The following XPO1 variants were observed in gnomAD, a reference collection of about 807,000 sequenced individuals.
XPO1 encodes the protein exportin-1.
XPO1 carries 5 observed loss-of-function variants against 133.3 expected under a neutral mutation model. The observed-to-expected ratio is 0.04, with a 90% confidence interval of 0.02 to 0.08. XPO1 has a LOEUF of 0.08. XPO1 is among the 10% of genes least tolerant of loss of function. The probability of loss-of-function intolerance (pLI) is 1.00; values close to 1 mark genes in which losing one functional copy is unlikely to be tolerated. For synonymous variants in XPO1, 419 were observed against 408.2 expected (o/e 1.03, Z -0.32); for missense variants, 506 against 1,267.5 (o/e 0.40, Z 9.12).
intron 3 of XPO1, 60 bp from the exon 4 acceptor site, chr2:61,522,743 G>A (rs1698753620): frequency 8.0e-7 from 1 of 1,257,000 alleles, no homozygotes; most frequent in East Asian, 2.3e-5. Flanking sequence ...CAACTCTCAG[G>A]ATTCACAAAT....
intron 17 of XPO1, among the ~76,000 whole-genome samples, chr2:61,490,237 C>T (rs563299404): frequency 1.4e-5 from 2 of 142,894 alleles, no homozygotes; most frequent in Admixed American, 7.3e-5. Context: ...CTTGCTCTGT[C>T]GTCTCGGCTA....
intron 7 of XPO1, among the ~76,000 whole-genome samples, chr2:61,499,360 C>T (rs1365989289): frequency 3.9e-5 from 6 of 152,052 alleles, no homozygotes; most frequent in Non-Finnish European, 7.4e-5. Context: ...TTGTGGTGAG[C>T]CAAGATTGCG....
intron 4 of XPO1, among the ~76,000 whole-genome samples, chr2:61,508,263 T>C (rs954348859): frequency 3.9e-5 from 6 of 152,154 alleles, no homozygotes; most frequent in East Asian, 3.9e-4. Context: ...AATGCTCTAA[T>C]TGTTTCTTGG....
chr2:61,498,763 A>G lies in XPO1; in HGVS notation c.669T>C (p.His223=). The G allele has an allele frequency of 6.2e-7, 1 of 1,614,094 alleles. No individual in the cohort carries two copies. The highest frequency in any genetic ancestry group is 8.5e-7 in the Non-Finnish European group (1 of 1,179,990). Residue 223 remains histidine (H), a synonymous_variant, in exon 9 of 25, where the codon CAT becomes CAC. Coordinates refer to ENST00000401558, the MANE Select transcript of XPO1 (RefSeq NM_003400.4). ...MENSQNAPLV[H]ATLETLLRFL... The stretch of plus-strand genomic sequence containing the variant: ...ATCTGAGCAATGTTTCCAAGGTTGC[A>G]TGTACAAGTGGAGCATTTTGAGAAT...
intron 12 of XPO1, 104 bp from the exon 13 acceptor site, chr2:61,493,157 C>T: frequency 8.2e-7 from 1 of 1,224,728 alleles, no homozygotes; most frequent in Non-Finnish European, 1.1e-6. Flanking sequence ...AACCACAAGC[C>T]AGCCATGTGT....
chr2:61,526,147 A>G, intron 3 of XPO1: 1 of 1,220,698 alleles, frequency 8.2e-7, no homozygotes, highest in South Asian at 2.2e-5. Flanking sequence ...AATTTATGCT[A>G]CTTAGACCTG....
chr2:61,532,903 C>G (rs908454891), intron 2 of XPO1, among the ~76,000 whole-genome samples: 1 of 151,900 alleles, frequency 6.6e-6, no homozygotes, highest in African/African-American at 2.4e-5. Flanking sequence ...TGGGCCAGCA[C>G]GCGGTGGCTC....
At chr2:61,516,305 C>T (rs1227357299) in intron 4 of XPO1, among the ~76,000 whole-genome samples, 3 of 149,432 alleles carry the variant, frequency 2.0e-5, no homozygotes, top group Non-Finnish European at 3.0e-5. Context: ...AACTCCGCCT[C>T]GAAAAAACCA....
intron 4 of XPO1, among the ~76,000 whole-genome samples, chr2:61,515,644 C>A (rs1259461369): frequency 6.6e-6 from 1 of 152,106 alleles, no homozygotes; most frequent in African/African-American, 2.4e-5. Context: ...AATAATGTAG[C>A]CAGTATTACG....
At chr2:61,506,603 A>C (rs949540873) in intron 4 of XPO1, among the ~76,000 whole-genome samples, 6 of 151,548 alleles carry the variant, frequency 4.0e-5, no homozygotes, top group Admixed American at 1.3e-4. Flanking sequence ...CGTCTCAAAA[A>C]AAAAAAAAAA....
chr2:61,481,783 C>T lies in XPO1; in HGVS notation c.2973-502G>A, dbSNP rs182945108. Among the ~76,000 whole-genome samples the T allele has an allele frequency of 2.2e-3, 330 of 151,936 alleles. 3 individuals carry two copies. The highest frequency in any genetic ancestry group is 7.5e-3 in the African/African-American group (312 of 41,462). ...AGACAGTCTTGCTCTGTCACCCACA[C>T]TGGAGTGCAGTGGCACAATCTCGGC... On this transcript the variant is annotated intron_variant, in intron 23 of 24. Transcript: ENST00000401558.
chr2:61,518,465 A>AC lies in XPO1; in HGVS notation c.301+4145_301+4146insG, dbSNP rs1698520099. Among the ~76,000 whole-genome samples the AC allele has an allele frequency of 1.0e-4, 13 of 124,760 alleles. 1 individual carries two copies. In the South Asian group the frequency reaches 2.8e-3, roughly 27 times the overall value. 81.8% of individuals were successfully genotyped at this position (124,760 alleles called of 152,430 possible). ...ACACACACACACACACACACACACA[A>AC]AGTTAGCCGGGCGTGGTGGCAGGCG... On this transcript the variant is annotated intron_variant, in intron 4 of 24. Coordinates refer to ENST00000401558, the MANE Select transcript of XPO1 (RefSeq NM_003400.4).
intron 24 of XPO1, 75 bp downstream of exon 24, chr2:61,481,110 T>C (rs966676548): frequency 1.1e-6 from 1 of 908,812 alleles, no homozygotes; most frequent in Non-Finnish European, 1.6e-6. Context: ...AATCAAGTGA[T>C]AAAAATTCTA....
chr2:61,527,630 C>A (rs1436659240), intron 2 of XPO1, among the ~76,000 whole-genome samples: 2 of 152,166 alleles, frequency 1.3e-5, no homozygotes, highest in Non-Finnish European at 2.9e-5. Flanking sequence ...TCTAATTAAA[C>A]CACAAATCCC....
At position 61,533,335 on chromosome 2, in the gene XPO1, C is replaced by G. The variant is rs1380892892; in HGVS notation, c.126+437G>C. On this transcript the variant is annotated intron_variant, in intron 2 of 24. Coordinates refer to ENST00000401558, the MANE Select transcript of XPO1 (RefSeq NM_003400.4). The stretch of plus-strand genomic sequence containing the variant: ...AATTTGGTTTATGTTTAAGATAATT[C>G]CCTACATTAACAGTACCACTTTGAA... Among the ~76,000 whole-genome samples the G allele has an allele frequency of 2.6e-5, 4 of 152,136 alleles. No homozygotes were observed. In the East Asian group the frequency reaches 7.7e-4, roughly 29 times the overall value.
At chr2:61,531,585 G>A (rs1699156782) in intron 2 of XPO1, among the ~76,000 whole-genome samples, 1 of 152,196 alleles carries the variant, frequency 6.6e-6, no homozygotes, top group Admixed American at 6.5e-5. Context: ...AGTTTAGTGT[G>A]AAGATTAAAC....
intron 2 of XPO1, among the ~76,000 whole-genome samples, chr2:61,532,678 A>G (rs1699208851): frequency 6.6e-6 from 1 of 150,978 alleles, no homozygotes; most frequent in Non-Finnish European, 1.5e-5. Context: ...CTACTAAAAT[A>G]CAAAAAATTA....
At chr2:61,488,494 T>G (rs1696802940) in intron 18 of XPO1, 94 bp downstream of exon 18, 3 of 1,384,026 alleles carry the variant, frequency 2.2e-6, no homozygotes, top group Non-Finnish European at 2.0e-6. Flanking sequence ...AGGTCTGATT[T>G]AAATCTGTAA....
intron 3 of XPO1, among the ~76,000 whole-genome samples, chr2:61,524,682 T>C (rs572346635): frequency 1.9e-4 from 29 of 152,324 alleles, no homozygotes; most frequent in African/African-American, 6.7e-4. Flanking sequence ...TCCCAACATT[T>C]TGGGGAGGCC....
Sources: allele counts gnomAD v4.1 joint callset (sites outside exome capture counted in the v4.1 genomes callset), GRCh38; gene constraint gnomAD v4.1.1; transcripts MANE v1.5; gene names NCBI Gene and HGNC (gene_info 2026-07-23, HGNC 2026-07-21).